The following HK1 variants were observed in gnomAD, a reference collection of about 807,000 sequenced individuals.
HK1 encodes the protein hexokinase 1.
Under a neutral mutation model 91.6 loss-of-function variants are expected in HK1, and 28 were observed. That is an observed-to-expected ratio of 0.31 (90% CI 0.23 to 0.42). HK1 has a LOEUF of 0.42. HK1 is among the 10% of genes least tolerant of loss of function. The probability of loss-of-function intolerance (pLI) is 1.00; values close to 1 mark genes in which losing one functional copy is unlikely to be tolerated. For synonymous variants in HK1, 430 were observed against 468.1 expected, an observed-to-expected ratio of 0.92 and a Z score of 1.05; for missense variants, 770 against 1,219.8, an observed-to-expected ratio of 0.63 and a Z score of 5.49.
Position 69,377,010 on chromosome 10 carries a change from C to A in HK1, c.952C>A (p.Leu318Ile). ...LILVKMAKEG[L>I]LFEGRITPEL... ...CCTAGTCAAGATGGCCAAGGAGGGC[C>A]TCTTATTTGAAGGGCGGATCACCCC... The change falls in exon 8 of 18, where the codon CTC becomes ATC. Residue 318 changes from leucine (L) to isoleucine (I), a missense_variant. Physicochemically the swap from Leu to Ile is conservative, Grantham distance 5. Coordinates refer to ENST00000359426, the MANE Select transcript of HK1 (RefSeq NM_000188.3). 1 of 1,614,120 alleles carries A rather than the reference C, an allele frequency of 6.2e-7. No homozygotes were observed. Among genetic ancestry groups the A allele is most frequent in the Non-Finnish European group, 8.5e-7 (1 of 1,180,022 alleles).
chr10:69,397,851 A>G (rs1840211533), intron 16 of HK1, among the ~76,000 whole-genome samples: 1 of 152,244 alleles, frequency 6.6e-6, no homozygotes, highest in Non-Finnish European at 1.5e-5. Context: ...ATGGAAAAAA[A>G]AGAGATCATC....
intron 1 of HK1, among the ~76,000 whole-genome samples, chr10:69,339,205 G>A (rs1416893741): frequency 6.6e-6 from 1 of 152,250 alleles, no homozygotes; most frequent in East Asian, 1.9e-4. Context: ...CCACAGTCCA[G>A]AGGGGCATGT....
intron 3 of HK1, among the ~76,000 whole-genome samples, chr10:69,361,537 C>G (rs576867234): frequency 2.0e-5 from 3 of 152,232 alleles, no homozygotes; most frequent in African/African-American, 7.2e-5. Flanking sequence ...CTGAGACTCA[C>G]CCTGTGCTGC....
chr10:69,321,610 C>T (rs370186358), intron 1 of HK1, among the ~76,000 whole-genome samples: 1 of 152,248 alleles, frequency 6.6e-6, no homozygotes, highest in African/African-American at 2.4e-5. Context: ...CCCTCAGAGC[C>T]AGAGGTAGGA....
chr10:69,355,377 G>C (rs548697657), intron 2 of HK1, among the ~76,000 whole-genome samples: 2 of 152,198 alleles, frequency 1.3e-5, no homozygotes, highest in Non-Finnish European at 2.9e-5. Context: ...GAAGAACAAA[G>C]CTGAAGGAAT....
rs1171184952 is a variant in HK1 at position 69,289,440 on chromosome 10, T to G, written c.-115+670T>G. ...TTTATATTGCCATGTAAAAATGGGCTTCTGCCCATTAAAAAAAAAAATTTT... is the reference window on the plus strand; with the variant it reads ...TTTATATTGCCATGTAAAAATGGGCGTCTGCCCATTAAAAAAAAAAATTTT... On this transcript the variant is annotated intron_variant, in intron 3 of 21. Coordinates refer to the HK1 transcript ENST00000360289. Among the ~76,000 whole-genome samples the G allele has an allele frequency of 2.0e-5, 3 of 151,378 alleles. No individual in the cohort carries two copies. In the East Asian group the frequency reaches 5.8e-4, roughly 29 times the overall value.
At chr10:69,350,260 T>C (rs765153538) in intron 2 of HK1, among the ~76,000 whole-genome samples, 1 of 152,048 alleles carries the variant, frequency 6.6e-6, no homozygotes, top group Admixed American at 6.6e-5. Context: ...GGAGCTGGAG[T>C]GGGGATTCAG....
At position 69,306,198 on chromosome 10, in the gene HK1, C is replaced by CA. The variant is rs889541371; in HGVS notation, c.27+5347dup. 3.5e-4 allele frequency among the ~76,000 whole-genome samples: 51 copies of CA among 147,698 alleles called. 1 individual carries two copies. The highest frequency in any genetic ancestry group is 1.2e-3 in the East Asian group (6 of 5,018). ...TGAAACACCGTCTCTACTAAAAATA[C>CA]AAAAAAAAAATTAGCCACGCATTGT... On this transcript the variant is annotated intron_variant, in intron 5 of 21. Coordinates refer to the HK1 transcript ENST00000360289.
rs760441710 is a variant in HK1 at position 69,384,328 on chromosome 10, A to C, written c.1571-5A>C. On this transcript the variant is annotated splice_region_variant and splice_polypyrimidine_tract_variant and intron_variant, in intron 10 of 17. Transcript: ENST00000359426. Reference sequence around the variant, plus strand: ...TGACATTCTTTACGCTTTTGACTGCAACAGAGAATGGTGACTTCTTGGCCC... The same window carrying C: ...TGACATTCTTTACGCTTTTGACTGCCACAGAGAATGGTGACTTCTTGGCCC... The C allele has an allele frequency of 1.6e-5, 26 of 1,614,124 alleles. No homozygotes were observed. The Admixed American group carries it at 3.2e-4, about 20-fold the overall frequency.
At chr10:69,354,031 C>T (rs1201354729) in intron 2 of HK1, among the ~76,000 whole-genome samples, 2 of 152,160 alleles carry the variant, frequency 1.3e-5, no homozygotes, top group Non-Finnish European at 2.9e-5. Flanking sequence ...ATGCTATCTC[C>T]AGGTAGCTAG....
At chr10:69,397,653 G>C (rs1379709847) in intron 16 of HK1, among the ~76,000 whole-genome samples, 2 of 152,188 alleles carry the variant, frequency 1.3e-5, no homozygotes, top group African/African-American at 4.8e-5. Context: ...TACATTCATT[G>C]GTTGTTTGAG....
Position 69,318,959 on chromosome 10 carries a change from G to A in HK1, c.12G>A (p.Ala4=). The part of the protein sequence containing the change: MIA[A]QLLAYYFTEL... Reference sequence around the variant, plus strand: ...CCCCGACCGCCAGCATGATCGCCGCGCAGCTCCTGGCCTATTACTTCACGG... The same window carrying A: ...CCCCGACCGCCAGCATGATCGCCGCACAGCTCCTGGCCTATTACTTCACGG... Residue 4 remains alanine, a synonymous_variant, in exon 1 of 18, where the codon GCG becomes GCA. Transcript: ENST00000359426. 1 of 1,598,508 alleles carries A rather than the reference G, an allele frequency of 6.3e-7. No homozygotes were observed.
chr10:69,398,374 A>G (rs984109365), intron 16 of HK1, among the ~76,000 whole-genome samples: 1 of 152,258 alleles, frequency 6.6e-6, no homozygotes, highest in Non-Finnish European at 1.5e-5. Flanking sequence ...AAATGTTAAT[A>G]GCATTTTCCT....
At chr10:69,398,857 A>C in intron 17 of HK1, 29 bp downstream of exon 17, 1 of 1,546,286 alleles carries the variant, frequency 6.5e-7, no homozygotes. Context: ...TGGGATGCGC[A>C]GAGCTTGCTG....
Position 69,352,484 on chromosome 10 carries a change from T to G in HK1, c.227-7413T>G, listed in dbSNP as rs547198922. Among the ~76,000 whole-genome samples, 317 of 152,300 alleles carry G rather than the reference T, an allele frequency of 2.1e-3. 6 individuals are homozygous for G. Among genetic ancestry groups the G allele is most frequent in the Non-Finnish European group, 5.7e-4 (39 of 68,024 alleles). On this transcript the variant is annotated intron_variant, in intron 2 of 17. Coordinates refer to ENST00000359426, the MANE Select transcript of HK1 (RefSeq NM_000188.3). ...CTCTTTCCTTTGGACCACAAATAAT[T>G]TAAAACCAGTGGCTTCATGTGATAT...
At chr10:69,307,722 T>C (rs1846169291) in intron 5 of HK1, among the ~76,000 whole-genome samples, 1 of 152,206 alleles carries the variant, frequency 6.6e-6, no homozygotes, top group Admixed American at 6.5e-5. Context: ...AATAAGTAAA[T>C]AATTTAGAAC....
chr10:69,277,500 C>G (rs1042705367), intron 1 of HK1, among the ~76,000 whole-genome samples: 2 of 151,936 alleles, frequency 1.3e-5, no homozygotes, highest in Non-Finnish European at 1.5e-5. Flanking sequence ...CTTGGGAGGT[C>G]GAGGCTGCAG....
At chr10:69,354,296 T>A (rs900039131) in intron 2 of HK1, among the ~76,000 whole-genome samples, 7 of 152,170 alleles carry the variant, frequency 4.6e-5, no homozygotes, top group African/African-American at 1.4e-4. Context: ...TTCATACTGT[T>A]AAAAAGAACT....
rs371008439 is a variant in HK1 at position 69,377,129 on chromosome 10, G to T, written c.1031+40G>T. ...CTCAAGGCTTTCTTGGGGTGTTGGG[G>T]CAGAGAAGAGCAATTGGTCCCTTGT... is the stretch of plus-strand genomic sequence containing the variant. On this transcript the variant is annotated intron_variant, in intron 8 of 17. Transcript: ENST00000359426. The T allele has an allele frequency of 5.6e-6, 9 of 1,611,584 alleles. No homozygotes were observed. The African/African-American group carries it at 1.1e-4, about 19-fold the overall frequency.
Sources: gnomAD v4.1 joint callset for allele counts (sites outside exome capture counted in the v4.1 genomes callset) on GRCh38, gnomAD v4.1.1 for gene constraint, MANE v1.5 for transcripts, NCBI Gene and HGNC (gene_info 2026-07-23, HGNC 2026-07-21) for gene names.